Variants in CDH18 observed in about 807,000 individuals in gnomAD.
CDH18 encodes cadherin 18, also known as cadherin-18.
Under a neutral mutation model 67.9 loss-of-function variants are expected in CDH18, and 31 were observed. The ratio of observed to expected loss-of-function variants is 0.46; its 90% confidence interval spans 0.34 to 0.62. CDH18 has a LOEUF of 0.62. Ranked by LOEUF, CDH18 falls within the 20% of genes least tolerant of loss-of-function variation. The pLI, the probability that CDH18 is intolerant of heterozygous loss-of-function variation, is 0.01. For synonymous variants in CDH18, 362 were observed against 347.2 expected, an observed-to-expected ratio of 1.04 and a Z score of -0.48; for missense variants, 890 against 975.5, an observed-to-expected ratio of 0.91 and a Z score of 1.17.
intron 5 of CDH18, among the ~76,000 whole-genome samples, chr5:19,629,034 C>G (rs1354564043): frequency 6.6e-6 from 1 of 152,048 alleles, no homozygotes; most frequent in African/African-American, 2.4e-5. Flanking sequence ...TATGATATGG[C>G]CTGAGCAGTG....
intron 5 of CDH18, among the ~76,000 whole-genome samples, chr5:19,718,443 A>T (rs536534971): frequency 6.6e-6 from 1 of 151,924 alleles, no homozygotes; most frequent in Non-Finnish European, 1.5e-5. Flanking sequence ...GATTTTCAGT[A>T]TGTTTGTATT....
chr5:20,298,410 A>G (rs1489311593), intron 1 of CDH18, among the ~76,000 whole-genome samples: 5 of 152,160 alleles, frequency 3.3e-5, no homozygotes, highest in African/African-American at 1.2e-4. Flanking sequence ...AGGAATTTCA[A>G]AAATTTAAGT....
At chr5:20,503,495 C>T (rs1481840075) in intron 1 of CDH18, among the ~76,000 whole-genome samples, 2 of 152,024 alleles carry the variant, frequency 1.3e-5, no homozygotes, top group Non-Finnish European at 1.5e-5. Flanking sequence ...TCTCATTTTT[C>T]CAGAGTCATA....
chr5:20,025,410 T>C (rs562959780), intron 2 of CDH18, among the ~76,000 whole-genome samples: 2 of 152,294 alleles, frequency 1.3e-5, no homozygotes, highest in Non-Finnish European at 2.9e-5. Flanking sequence ...CAATAAAATA[T>C]ATAAATATAA....
chr5:20,322,979 C>A (rs1738182695), intron 1 of CDH18, among the ~76,000 whole-genome samples: 2 of 151,648 alleles, frequency 1.3e-5, no homozygotes, highest in Non-Finnish European at 2.9e-5. Context: ...TCCTTTGGTG[C>A]AACAAAGAAT....
At chr5:19,536,199 T>C (rs1749393844) in intron 9 of CDH18, among the ~76,000 whole-genome samples, 1 of 151,692 alleles carries the variant, frequency 6.6e-6, no homozygotes, top group Non-Finnish European at 1.5e-5. Flanking sequence ...GGTGAAAAAA[T>C]ACTACAATGA....
At chr5:19,623,718 G>A (rs571671725) in intron 5 of CDH18, among the ~76,000 whole-genome samples, 58 of 151,386 alleles carry the variant, frequency 3.8e-4, no homozygotes, top group Admixed American at 5.9e-4. Flanking sequence ...CTTGGAATAC[G>A]TGTTGTTGAG....
intron 1 of CDH18, among the ~76,000 whole-genome samples, chr5:20,407,510 A>AAAAT (rs33930117): frequency 6.6e-6 from 1 of 150,926 alleles, no homozygotes; most frequent in African/African-American, 2.4e-5. Context: ...AAAAAAAAAA[A>AAAAT]CTCGTAGAAG....
chr5:19,584,997 A>G (rs931997083), intron 7 of CDH18, among the ~76,000 whole-genome samples: 1 of 149,752 alleles, frequency 6.7e-6, no homozygotes, highest in African/African-American at 2.4e-5. Flanking sequence ...TCTATCTCCA[A>G]AAAAAAAAAA....
intron 9 of CDH18, among the ~76,000 whole-genome samples, chr5:19,541,704 A>G (rs1200819947): frequency 2.0e-5 from 3 of 152,132 alleles, no homozygotes; most frequent in Admixed American, 2.0e-4. Context: ...CTTATTCACT[A>G]TCATGAGAAC....
At chr5:19,586,714 G>A (rs959342525) in intron 7 of CDH18, among the ~76,000 whole-genome samples, 2 of 152,106 alleles carry the variant, frequency 1.3e-5, no homozygotes, top group African/African-American at 2.4e-5. Flanking sequence ...ATTCCTTTGG[G>A]TATATACCCA....
chr5:20,029,770 T>C (rs186279474), intron 2 of CDH18, among the ~76,000 whole-genome samples: 15 of 152,342 alleles, frequency 9.8e-5, no homozygotes, highest in African/African-American at 3.4e-4. Context: ...TTTCTTTTCC[T>C]GTGTAACACA....
At chr5:20,026,010 G>A (rs1174805137) in intron 2 of CDH18, among the ~76,000 whole-genome samples, 1 of 152,068 alleles carries the variant, frequency 6.6e-6, no homozygotes, top group African/African-American at 2.4e-5. Context: ...ATACAAAATT[G>A]TCAAAATATG....
chr5:20,252,922 C>A lies in CDH18; in HGVS notation c.-518+2522G>T, dbSNP rs929147714. ...CTGCACTCCAGCCTGGGCAACAGAGCGAGACTCCACCTCAAAAAAAAAAAA... is the reference window on the plus strand; with the variant it reads ...CTGCACTCCAGCCTGGGCAACAGAGAGAGACTCCACCTCAAAAAAAAAAAA... On this transcript the variant is annotated intron_variant, in intron 2 of 14. Coordinates refer to the CDH18 transcript ENST00000507958. Among the ~76,000 whole-genome samples the A allele has an allele frequency of 1.2e-4, 17 of 144,914 alleles. No individual in the cohort carries two copies. In the East Asian group the frequency reaches 3.2e-3, roughly 28 times the overall value.
chr5:19,553,007 G>C (rs453999), intron 8 of CDH18, among the ~76,000 whole-genome samples: 130,021 of 152,104 alleles, frequency 0.85, 55,839 homozygotes, highest in Non-Finnish European at 0.91. Context: ...ATTTATTATT[G>C]AAATTAGTAC....
chr5:20,552,917 G>C (rs1042504310), intron 1 of CDH18, among the ~76,000 whole-genome samples: 1 of 151,944 alleles, frequency 6.6e-6, no homozygotes, highest in African/African-American at 2.4e-5. Context: ...ATCATGCACG[G>C]CTAATTTTTG....
chr5:20,171,015 T>C (rs1250866297), intron 2 of CDH18, among the ~76,000 whole-genome samples: 1 of 147,982 alleles, frequency 6.8e-6, no homozygotes, highest in Non-Finnish European at 1.5e-5. Context: ...GCTGCATTCA[T>C]GTTCCTGCAA....
chr5:19,591,023 G>A (rs371069951), intron 7 of CDH18, 34 bp downstream of exon 7: 203 of 1,382,554 alleles, frequency 1.5e-4, no homozygotes, highest in Non-Finnish European at 1.9e-4. Flanking sequence ...AGATGAGTGA[G>A]TTGCCTGAAT....
At chr5:19,537,461 A>G (rs939624212) in intron 9 of CDH18, among the ~76,000 whole-genome samples, 5 of 151,926 alleles carry the variant, frequency 3.3e-5, no homozygotes, top group East Asian at 1.9e-4. Context: ...GCACATACAC[A>G]TTACACACAC....
Sources: allele counts gnomAD v4.1 joint callset (sites outside exome capture counted in the v4.1 genomes callset), GRCh38; gene constraint gnomAD v4.1.1; transcripts MANE v1.5; gene names NCBI Gene and HGNC (gene_info 2026-07-23, HGNC 2026-07-21).